Variants in ZC3H12C observed in about 807,000 individuals in gnomAD.
ZC3H12C encodes the protein probable ribonuclease ZC3H12C.
A neutral mutation model predicts 76.3 loss-of-function variants in ZC3H12C; 20 were observed. The observed-to-expected ratio is 0.26, with a 90% CI of 0.18 to 0.38. The LOEUF (loss-of-function observed/expected upper bound fraction) is 0.38. Ranked by LOEUF, ZC3H12C falls within the 10% of genes least tolerant of loss-of-function variation. The probability of loss-of-function intolerance (pLI) is 1.00; values close to 1 mark genes in which losing one functional copy is unlikely to be tolerated. For missense variants in ZC3H12C, 874 were observed against 1,086.5 expected (o/e 0.80, Z 2.75); for synonymous variants, 352 against 399.6 (o/e 0.88, Z 1.42).
intron 2 of ZC3H12C, among the ~76,000 whole-genome samples, chr11:110,151,336 G>A (rs1310720226): frequency 1.3e-5 from 2 of 152,110 alleles, no homozygotes; most frequent in Non-Finnish European, 2.9e-5. Context: ...CAGGCCTGTC[G>A]TTAGAGCCAG....
intron 1 of ZC3H12C, among the ~76,000 whole-genome samples, chr11:110,128,585 G>T (rs1052144550): frequency 2.0e-5 from 3 of 152,110 alleles, no homozygotes; most frequent in Non-Finnish European, 4.4e-5. Context: ...AAAGAAGACT[G>T]TCTATTCATA....
intron 1 of ZC3H12C, among the ~76,000 whole-genome samples, chr11:110,126,223 T>TC (rs1565255719): frequency 2.6e-5 from 3 of 114,568 alleles, no homozygotes; most frequent in Non-Finnish European, 3.6e-5. Context: ...CTTCTTTTTT[T>TC]TTTTTTTTTT....
Position 110,164,870 on chromosome 11 carries a change from A to C in ZC3H12C, c.1785A>C (p.Ala595=). Residue 595 remains alanine, a synonymous_variant, in exon 6 of 6, where the codon GCA becomes GCC. Transcript: ENST00000278590. The surrounding 1 kb of genome is among the most constrained non-coding windows in gnomAD (Gnocchi z 5.7). ...VDIGYYSMLN[A]YSNLSLSGPR... is the part of the protein sequence containing the mutation. ...TCGGATATTATTCCATGTTGAATGC[A>C]TACTCAAATCTGAGTCTCTCAGGCC... 2 of 1,614,036 alleles carry C rather than the reference A, an allele frequency of 1.2e-6. No homozygotes were observed. Among genetic ancestry groups the C allele is most frequent in the African/African-American group, 2.7e-5 (2 of 75,054 alleles).
intron 1 of ZC3H12C, among the ~76,000 whole-genome samples, chr11:110,097,382 T>C (rs1483642274): frequency 1.3e-5 from 2 of 152,206 alleles, no homozygotes; most frequent in African/African-American, 2.4e-5. Flanking sequence ...GAAAATCCCA[T>C]GGTCTTCCTG....
intron 2 of ZC3H12C, 88 bp from the exon 3 acceptor site, chr11:110,152,831 T>C: frequency 7.1e-7 from 1 of 1,412,526 alleles, no homozygotes; most frequent in South Asian, 1.3e-5. Flanking sequence ...CTGTTGTAAC[T>C]ATGTAATACT....
chr11:110,122,182 G>A (rs1265159680), intron 1 of ZC3H12C, among the ~76,000 whole-genome samples: 1 of 152,206 alleles, frequency 6.6e-6, no homozygotes, highest in Non-Finnish European at 1.5e-5. Flanking sequence ...GAGGATGTCA[G>A]AGAGCGTGGC....
At chr11:110,155,530 T>C (rs989198473) in intron 3 of ZC3H12C, among the ~76,000 whole-genome samples, 1 of 89,274 alleles carries the variant, frequency 1.1e-5, no homozygotes, top group African/African-American at 3.2e-5. Flanking sequence ...TACCATTATT[T>C]AGAATAGAAA....
intron 2 of ZC3H12C, among the ~76,000 whole-genome samples, chr11:110,147,425 G>A (rs928882871): frequency 6.6e-6 from 1 of 151,852 alleles, no homozygotes; most frequent in African/African-American, 2.4e-5. Context: ...ACAGGGAGGG[G>A]AATATCACAC....
chr11:110,099,248 T>C (rs1272897671), intron 1 of ZC3H12C, among the ~76,000 whole-genome samples: 1 of 152,222 alleles, frequency 6.6e-6, no homozygotes, highest in African/African-American at 2.4e-5. Context: ...GTCCTAGAAA[T>C]AGTGATAAAA....
chr11:110,114,164 C>T (rs768705037), intron 1 of ZC3H12C, among the ~76,000 whole-genome samples: 8 of 152,174 alleles, frequency 5.3e-5, no homozygotes, highest in African/African-American at 1.4e-4. Context: ...TCATCTCTCA[C>T]GCCTCTGGAC....
At chr11:110,157,850 G>A (rs955502409) in intron 3 of ZC3H12C, among the ~76,000 whole-genome samples, 4 of 152,170 alleles carry the variant, frequency 2.6e-5, no homozygotes, top group African/African-American at 9.7e-5. Flanking sequence ...TGTTTGTCCA[G>A]TGCAGTCAGA....
intron 1 of ZC3H12C, among the ~76,000 whole-genome samples, chr11:110,134,203 G>C (rs1310287275): frequency 2.0e-5 from 3 of 151,936 alleles, no homozygotes; most frequent in Non-Finnish European, 4.4e-5. Flanking sequence ...GGGGTTTATA[G>C]AACAATGATG....
chr11:110,109,732 C>T (rs1368933419), intron 1 of ZC3H12C, among the ~76,000 whole-genome samples: 1 of 151,924 alleles, frequency 6.6e-6, no homozygotes, highest in African/African-American at 2.4e-5. Context: ...TTTTCTTTGA[C>T]TGTCAGTTTG....
rs750609570 is a variant in ZC3H12C, at chr11:110,152,958, A to AT, written c.815dup (p.Leu272PhefsTer29). 6.2e-7 allele frequency: 1 copy of AT among 1,612,700 alleles called. No homozygotes were observed. Among genetic ancestry groups the AT allele is most frequent in the Non-Finnish European group, 8.5e-7 (1 of 1,179,320 alleles). On this transcript the variant is annotated frameshift_variant, in exon 3 of 6. Transcript: ENST00000278590. LOFTEE classifies it high-confidence loss of function. ...AAGTATTTTCCTGCAGAGGAATAAA[A>AT]TTGGCAGTGGATTGGTTTTTGGAAA...
At chr11:110,138,713 G>A (rs188264971) in intron 2 of ZC3H12C, among the ~76,000 whole-genome samples, 26 of 151,890 alleles carry the variant, frequency 1.7e-4, no homozygotes, top group Admixed American at 2.6e-4. Flanking sequence ...ACATGCCACC[G>A]TGCCTGGCTA....
chr11:110,155,232 G>A (rs552869324), intron 3 of ZC3H12C, among the ~76,000 whole-genome samples: 78 of 152,044 alleles, frequency 5.1e-4, no homozygotes, highest in Middle Eastern at 3.4e-3. Flanking sequence ...CCAGGAAGTG[G>A]GGGTTGCAGT....
At chr11:110,131,056 T>G in intron 1 of ZC3H12C, 1 of 1,535,914 alleles carries the variant, frequency 6.5e-7, no homozygotes, top group Non-Finnish European at 8.7e-7. Flanking sequence ...GTTAAGGAGT[T>G]TACTGCTGAA....
intron 1 of ZC3H12C, among the ~76,000 whole-genome samples, chr11:110,104,548 TA>T (rs1267446817): frequency 1.3e-5 from 2 of 152,142 alleles, no homozygotes; most frequent in Non-Finnish European, 2.9e-5. Flanking sequence ...AGGCAGTAAT[TA>T]AAAGCTGTAG....
chr11:110,133,941 C>G (rs1861910232), intron 1 of ZC3H12C, among the ~76,000 whole-genome samples: 1 of 152,024 alleles, frequency 6.6e-6, no homozygotes, highest in Non-Finnish European at 1.5e-5. Context: ...ACATTTTGTT[C>G]TAATATTTGT....
Sources: gnomAD v4.1 joint callset for allele counts (sites outside exome capture counted in the v4.1 genomes callset) on GRCh38, gnomAD v4.1.1 for gene constraint, Gnocchi (gnomAD v3.1) non-coding constraint, MANE v1.5 for transcripts, NCBI Gene and HGNC (gene_info 2026-07-23, HGNC 2026-07-21) for gene names.